LRP1B: variants seen among roughly 807,000 people sequenced by gnomAD.
The protein encoded by LRP1B is low-density lipoprotein receptor-related protein 1B.
In LRP1B, 217 loss-of-function variants were observed where a neutral mutation model predicts 556.6. The ratio of observed to expected loss-of-function variants is 0.39; its 90% CI spans 0.35 to 0.44. The LOEUF (loss-of-function observed/expected upper bound fraction) is 0.44, where lower values mean the gene tolerates loss of function less well. Among genes scored for constraint, LRP1B ranks in the 20% least tolerant of loss-of-function variants. The pLI is 1.00. For missense variants in LRP1B, 5,053 were observed against 5,620.8 expected (o/e 0.90, Z 3.23); for synonymous variants, 2,047 against 1,865.8 (o/e 1.10, Z -2.50).
At chr2:141,023,880 G>C (rs1233970750) in intron 11 of LRP1B, among the ~76,000 whole-genome samples, 1 of 151,938 alleles carries the variant, frequency 6.6e-6, no homozygotes. Flanking sequence ...TCTATCCTTA[G>C]CATGAACATT....
At chr2:140,522,202 A>G (rs1690211465) in intron 49 of LRP1B, among the ~76,000 whole-genome samples, 1 of 152,016 alleles carries the variant, frequency 6.6e-6, no homozygotes, top group Non-Finnish European at 1.5e-5. Context: ...AAGTCTCAAT[A>G]AATTTTTTAA....
At chr2:141,222,067 T>C (rs1164540188) in intron 6 of LRP1B, among the ~76,000 whole-genome samples, 1 of 151,534 alleles carries the variant, frequency 6.6e-6, no homozygotes, top group Non-Finnish European at 1.5e-5. Context: ...AGACAAGAAA[T>C]AACCCAGATC....
At chr2:141,245,710 A>G (rs1463422097) in intron 5 of LRP1B, among the ~76,000 whole-genome samples, 2 of 152,198 alleles carry the variant, frequency 1.3e-5, no homozygotes. Flanking sequence ...AACAATACTT[A>G]CTGATTGTTT....
chr2:140,450,675 A>C lies in LRP1B; in HGVS notation c.9964-14T>G, dbSNP rs1369765734. ...TTTGCAACGAAACTTAAAAAAGAAAAAAAGAAAAAAAAATGTTGAAGAACC... is the reference window on the plus strand; with the variant it reads ...TTTGCAACGAAACTTAAAAAAGAAACAAAGAAAAAAAAATGTTGAAGAACC... On this transcript the variant is annotated splice_polypyrimidine_tract_variant and intron_variant, in intron 62 of 90. Transcript: ENST00000389484. The C allele has an allele frequency of 1.3e-6, 2 of 1,580,064 alleles. No individual in the cohort carries two copies.
At chr2:140,803,290 T>TTTTTC (rs869303438) in intron 32 of LRP1B, among the ~76,000 whole-genome samples, 8 of 115,288 alleles carry the variant, frequency 6.9e-5, no homozygotes, top group South Asian at 2.9e-4. Context: ...TTTTTTTTTT[T>TTTTTC]CCGAGATGGA....
intron 1 of LRP1B, among the ~76,000 whole-genome samples, chr2:141,996,570 G>A (rs1286952362): frequency 6.6e-6 from 1 of 152,180 alleles, no homozygotes; most frequent in Non-Finnish European, 1.5e-5. Context: ...ATTCCCATCT[G>A]CACAGGATAT....
intron 3 of LRP1B, among the ~76,000 whole-genome samples, chr2:141,307,100 A>G (rs544324190): frequency 5.3e-5 from 8 of 152,244 alleles, no homozygotes; most frequent in South Asian, 2.1e-4. Context: ...AAAATGTTCT[A>G]TAAATATCTG....
intron 3 of LRP1B, among the ~76,000 whole-genome samples, chr2:141,424,507 A>C (rs1387640180): frequency 6.6e-6 from 1 of 152,222 alleles, no homozygotes. Flanking sequence ...TTAAGGAACT[A>C]GGCTTCCTGA....
chr2:140,563,283 T>A (rs1453836792), intron 43 of LRP1B, among the ~76,000 whole-genome samples: 2 of 152,076 alleles, frequency 1.3e-5, no homozygotes, highest in East Asian at 3.9e-4. Context: ...ATTAAAGTGA[T>A]AGTTGGAGAG....
chr2:141,382,491 G>C (rs915195152), intron 3 of LRP1B, among the ~76,000 whole-genome samples: 1 of 152,160 alleles, frequency 6.6e-6, no homozygotes, highest in East Asian at 1.9e-4. Flanking sequence ...AGATCCCAAA[G>C]GGTCCCAGTC....
At chr2:140,583,334 C>A (rs1417571254) in intron 43 of LRP1B, among the ~76,000 whole-genome samples, 3 of 151,808 alleles carry the variant, frequency 2.0e-5, no homozygotes, top group Non-Finnish European at 4.4e-5. Flanking sequence ...ACCACCACAT[C>A]CAGCTAACTT....
intron 14 of LRP1B, among the ~76,000 whole-genome samples, chr2:141,006,831 T>C (rs1418967605): frequency 6.6e-6 from 1 of 152,088 alleles, no homozygotes; most frequent in South Asian, 2.1e-4. Flanking sequence ...AGCATTTCTG[T>C]ATCTAAACAT....
chr2:141,631,702 T>C (rs1273227825), intron 2 of LRP1B, among the ~76,000 whole-genome samples: 1 of 152,188 alleles, frequency 6.6e-6, no homozygotes, highest in Non-Finnish European at 1.5e-5. Flanking sequence ...TTTCTGCTTC[T>C]TCAGCCCTTT....
At chr2:141,331,853 T>C (rs1345867578) in intron 3 of LRP1B, among the ~76,000 whole-genome samples, 1 of 152,190 alleles carries the variant, frequency 6.6e-6, no homozygotes, top group African/African-American at 2.4e-5. Flanking sequence ...TCCAAACATC[T>C]GTCCCCTTCC....
intron 1 of LRP1B, among the ~76,000 whole-genome samples, chr2:141,975,586 A>G (rs909807943): frequency 2.0e-5 from 3 of 152,086 alleles, no homozygotes; most frequent in African/African-American, 4.8e-5. Context: ...TTCAGCTGTA[A>G]TGTGTTAACA....
chr2:140,432,323 C>A (rs1355900833), intron 66 of LRP1B, among the ~76,000 whole-genome samples: 1 of 152,178 alleles, frequency 6.6e-6, no homozygotes, highest in Non-Finnish European at 1.5e-5. Flanking sequence ...CGGACTCAGC[C>A]CGCCTGCACC....
rs953221194 is a variant in LRP1B at position 141,794,923 on chromosome 2, G to A, written c.205+15356C>T. Among the ~76,000 whole-genome samples, 4 of 152,060 alleles carry A rather than the reference G, an allele frequency of 2.6e-5. No homozygotes were observed. The East Asian group carries it at 7.7e-4, about 29-fold the overall frequency. On this transcript the variant is annotated intron_variant, in intron 2 of 90. Transcript: ENST00000389484. ...TATTGGGTTAGTATTATTTTTATCAGAGCTTGGAAATATTCTCTTTAAGGT... is the reference window on the plus strand; with the variant it reads ...TATTGGGTTAGTATTATTTTTATCAAAGCTTGGAAATATTCTCTTTAAGGT...
intron 15 of LRP1B, among the ~76,000 whole-genome samples, chr2:140,995,123 A>G (rs1282728596): frequency 6.6e-6 from 1 of 152,066 alleles, no homozygotes; most frequent in African/African-American, 2.4e-5. Flanking sequence ...TTGAATAGCT[A>G]CTGAAACAAT....
chr2:140,573,978 C>T (rs1481403913), intron 43 of LRP1B, among the ~76,000 whole-genome samples: 1 of 151,704 alleles, frequency 6.6e-6, no homozygotes, highest in Non-Finnish European at 1.5e-5. Flanking sequence ...AGATCTTTTA[C>T]AATAGAAAAA....
Sources: allele counts gnomAD v4.1 joint callset (sites outside exome capture counted in the v4.1 genomes callset), GRCh38; gene constraint gnomAD v4.1.1; transcripts MANE v1.5; gene names NCBI Gene and HGNC (gene_info 2026-07-23, HGNC 2026-07-21).